Variants in CSMD2 observed in about 807,000 individuals in gnomAD.
The protein encoded by CSMD2 is CUB and Sushi multiple domains 2.
Under a neutral mutation model 398.5 loss-of-function variants are expected in CSMD2, and 130 were observed. That is an observed-to-expected ratio of 0.33 (90% CI 0.28 to 0.38). The LOEUF is 0.38. Among genes scored for constraint, CSMD2 ranks in the 10% least tolerant of loss-of-function variants. CSMD2 has a pLI of 1.00. For synonymous variants in CSMD2, 1,828 were observed against 1,908.5 expected, an observed-to-expected ratio of 0.96 and a Z score of 1.10; for missense variants, 3,829 against 4,764.9, an observed-to-expected ratio of 0.80 and a Z score of 5.78.
intron 53 of CSMD2, among the ~76,000 whole-genome samples, chr1:33,565,613 A>G (rs1001174703): frequency 6.6e-6 from 1 of 152,170 alleles, no homozygotes; most frequent in African/African-American, 2.4e-5. Flanking sequence ...GAAGACATCA[A>G]CCTAAATGTA....
chr1:33,905,875 C>A (rs1010657525), intron 5 of CSMD2, among the ~76,000 whole-genome samples: 2 of 152,182 alleles, frequency 1.3e-5, no homozygotes, highest in African/African-American at 2.4e-5. Flanking sequence ...ATCTGCTCAT[C>A]CCCGTTTCCT....
chr1:33,985,342 G>C (rs1365236061), intron 3 of CSMD2, among the ~76,000 whole-genome samples: 1 of 152,230 alleles, frequency 6.6e-6, no homozygotes, highest in Non-Finnish European at 1.5e-5. Context: ...GAGGAACAAT[G>C]CCAGGCACAC....
chr1:33,638,261 T>G (rs1642919724), intron 29 of CSMD2, among the ~76,000 whole-genome samples: 1 of 152,236 alleles, frequency 6.6e-6, no homozygotes, highest in African/African-American at 2.4e-5. Flanking sequence ...AACTGGCCAC[T>G]GGGTGACCCA....
intron 1 of CSMD2, among the ~76,000 whole-genome samples, chr1:34,116,184 C>A (rs1187365622): frequency 1.3e-5 from 2 of 151,980 alleles, no homozygotes; most frequent in African/African-American, 4.8e-5. Context: ...AAAACAAGAT[C>A]TAACTATATG....
rs552533592 is a variant in CSMD2, at chr1:33,837,566, T to C, written c.1033+9318A>G. On this transcript the variant is annotated intron_variant, in intron 6 of 70. Transcript: ENST00000373381. ...CCCCGATAGTATGCTTAATATTCAC[T>C]GGGCTGCTTCTCGTACTGTGCCCTT... Among the ~76,000 whole-genome samples, 5 of 152,352 alleles carry C rather than the reference T, an allele frequency of 3.3e-5. No homozygotes were observed. In the East Asian group the frequency reaches 9.6e-4, roughly 29 times the overall value.
chr1:33,572,665 G>C lies in CSMD2; in HGVS notation c.7603C>G (p.Pro2535Ala), dbSNP rs1557556324. The C allele has an allele frequency of 7.4e-6, 12 of 1,612,322 alleles. No homozygotes were observed. Among genetic ancestry groups the C allele is most frequent in the Non-Finnish European group, 9.3e-6 (11 of 1,178,778 alleles). Residue 2535 changes from proline (P) to alanine (A), a missense_variant, in exon 50 of 71, where the codon CCC becomes GCC. Pro to Ala is a conservative substitution (Grantham distance 27, BLOSUM62 -1). This residue lies in a region of CSMD2 where 723 missense variants were observed against 758.6 expected (regional missense o/e 0.95). Transcript: ENST00000373381. ...TTGCCAAACACCATTCCATTCTTGGGGGCCTCAGGAAGCCCACAGGAAAGA... is the reference window on the plus strand; with the variant it reads ...TTGCCAAACACCATTCCATTCTTGGCGGCCTCAGGAAGCCCACAGGAAAGA... ...QALSCGLPEA[P>A]KNGMVFGKEY...
chr1:33,587,156 G>A lies in CSMD2; in HGVS notation c.6869C>T (p.Thr2290Ile). The A allele has an allele frequency of 6.2e-7, 1 of 1,609,382 alleles. No homozygotes were observed. Among genetic ancestry groups the A allele is most frequent in the Non-Finnish European group, 8.5e-7 (1 of 1,178,056 alleles). The change falls in exon 45 of 71, where the codon ACC (threonine) becomes ATC (isoleucine). Residue 2290 changes from threonine (T) to isoleucine (I), a missense_variant. Coordinates refer to ENST00000373381, the MANE Select transcript of CSMD2 (RefSeq NM_001281956.2). ...GAGGATGGTGGGAGGAGGGCATTTGGTGAGTGGATAAGCTGAAAAGATAAA... is the reference window on the plus strand; with the variant it reads ...GAGGATGGTGGGAGGAGGGCATTTGATGAGTGGATAAGCTGAAAAGATAAA... ...FAIAFSAYPLTKCPPPTILPN... is the reference protein window; with the variant it reads ...FAIAFSAYPLIKCPPPTILPN...
chr1:34,038,042 G>A (rs970230325), intron 2 of CSMD2, among the ~76,000 whole-genome samples: 3 of 152,238 alleles, frequency 2.0e-5, no homozygotes, highest in East Asian at 1.9e-4. Context: ...CCTCAAAGGC[G>A]CTAGCTAAGG....
chr1:34,101,759 T>G (rs1035315996), intron 1 of CSMD2, among the ~76,000 whole-genome samples: 3 of 151,886 alleles, frequency 2.0e-5, no homozygotes, highest in Non-Finnish European at 2.9e-5. Context: ...CTATTTTATA[T>G]ATGTGTAATA....
Position 33,605,889 on chromosome 1 carries a change from A to C in CSMD2, c.6344-419T>G, listed in dbSNP as rs74653256. 3,139 of 1,613,916 alleles carry C rather than the reference A, an allele frequency of 1.9e-3. 55 individuals carry two copies. In the African/African-American group the frequency reaches 0.037, roughly 19 times the overall value. ...TTCACAACCAGGATCAAGATCCCAG[A>C]CATAGGAAGCGGCGACGGGAGGAGT... On this transcript the variant is annotated intron_variant, in intron 41 of 70. Transcript: ENST00000373381.
intron 6 of CSMD2, among the ~76,000 whole-genome samples, chr1:33,840,534 T>C (rs1660749010): frequency 2.0e-5 from 3 of 152,334 alleles, no homozygotes; most frequent in South Asian, 2.1e-4. Flanking sequence ...TGTGCATCTA[T>C]ATTCTGTGAT....
At chr1:33,688,690 C>T (rs564337379) in intron 25 of CSMD2, among the ~76,000 whole-genome samples, 1 of 152,166 alleles carries the variant, frequency 6.6e-6, no homozygotes, top group South Asian at 2.1e-4. Context: ...ATGGCGCTTG[C>T]CTGTAATCCC....
chr1:33,784,241 A>G (rs981233296), intron 12 of CSMD2, among the ~76,000 whole-genome samples: 1 of 152,178 alleles, frequency 6.6e-6, no homozygotes, highest in African/African-American at 2.4e-5. Context: ...GCCATGGAGG[A>G]GCTGTGAAGG....
chr1:33,693,967 G>A (rs1169304562), intron 24 of CSMD2, among the ~76,000 whole-genome samples: 1 of 152,120 alleles, frequency 6.6e-6, no homozygotes, highest in Non-Finnish European at 1.5e-5. Context: ...GCTGAGGTAG[G>A]AGAATCACTT....
At chr1:33,843,533 C>A (rs1017853553) in intron 6 of CSMD2, among the ~76,000 whole-genome samples, 1 of 152,184 alleles carries the variant, frequency 6.6e-6, no homozygotes, top group Non-Finnish European at 1.5e-5. Context: ...TGAAACTGAT[C>A]CAATGCCAGT....
At chr1:33,805,399 G>A (rs1656106095) in intron 10 of CSMD2, among the ~76,000 whole-genome samples, 1 of 152,184 alleles carries the variant, frequency 6.6e-6, no homozygotes, top group Non-Finnish European at 1.5e-5. Flanking sequence ...TTTGTAAAAT[G>A]TTGTGCAGAG....
intron 5 of CSMD2, among the ~76,000 whole-genome samples, chr1:33,895,698 C>T (rs925623141): frequency 3.9e-5 from 6 of 152,226 alleles, no homozygotes; most frequent in South Asian, 2.1e-4. Flanking sequence ...CTACACTGGC[C>T]GCCCTCCAGA....
rs745833177 is a variant in CSMD2 at position 34,088,979 on chromosome 1, C to T, written c.402G>A (p.Thr134=). Reference sequence around the variant, plus strand: ...AGGGAAGGTGGGCAGCATGGTACCTCGTACGCAGATTCTCTGGCTGGGGTG... The same window carrying T: ...AGGGAAGGTGGGCAGCATGGTACCTTGTACGCAGATTCTCTGGCTGGGGTG... ...DGPPQPENLR[T]RLTGFQLPAT... The change falls in exon 2 of 71, where the codon ACG becomes ACA. Residue 134 remains threonine, a splice_region_variant and synonymous_variant. Transcript: ENST00000373381. 33 of 1,612,886 alleles carry T rather than the reference C, an allele frequency of 2.0e-5. No individual in the cohort carries two copies. The South Asian group carries it at 2.6e-4, about 13-fold the overall frequency.
chr1:34,015,984 A>C (rs1014038387), intron 3 of CSMD2, among the ~76,000 whole-genome samples: 2 of 151,706 alleles, frequency 1.3e-5, no homozygotes, highest in African/African-American at 4.8e-5. Flanking sequence ...ATCTTTTGAA[A>C]GATGCCCATT....
Sources: allele counts gnomAD v4.1 joint callset (sites outside exome capture counted in the v4.1 genomes callset), GRCh38; gene constraint gnomAD v4.1.1; regional missense constraint gnomAD v4.1.1; transcripts MANE v1.5; gene names NCBI Gene and HGNC (gene_info 2026-07-23, HGNC 2026-07-21).